UBE2O: variants seen among roughly 807,000 people sequenced by gnomAD.
UBE2O encodes ubiquitin conjugating enzyme E2 O.
Under a neutral mutation model 125.8 loss-of-function variants are expected in UBE2O, and 15 were observed. That is an observed-to-expected ratio of 0.12 (90% CI 0.08 to 0.18). The LOEUF (loss-of-function observed/expected upper bound fraction) is 0.18. Ranked by LOEUF, UBE2O falls within the 10% of genes least tolerant of loss-of-function variation. The pLI is 1.00. For synonymous variants in UBE2O, 708 were observed against 703.2 expected, an observed-to-expected ratio of 1.01 and a Z score of -0.11; for missense variants, 1,280 against 1,723.6, an observed-to-expected ratio of 0.74 and a Z score of 4.56.
At chr17:76,424,595 C>T (rs569222883) in intron 1 of UBE2O, among the ~76,000 whole-genome samples, 1 of 152,198 alleles carries the variant, frequency 6.6e-6, no homozygotes, top group African/African-American at 2.4e-5. Flanking sequence ...TAATTTCTGG[C>T]TGAGTGAGGT....
chr17:76,451,470 G>A (rs1025460662), intron 1 of UBE2O, among the ~76,000 whole-genome samples: 1 of 152,160 alleles, frequency 6.6e-6, no homozygotes, highest in African/African-American at 2.4e-5. Context: ...AAAAGACCCC[G>A]CTGGTATCAG....
In UBE2O at chr17:76,416,187, T is replaced by C. The variant is rs138251834; in HGVS notation, c.418-10615A>G. Reference sequence around the variant, plus strand: ...ATACACATACGTGTGTGTGTGTATATGTATATGTGTATATGTGTGTGTATA... The same window carrying C: ...ATACACATACGTGTGTGTGTGTATACGTATATGTGTATATGTGTGTGTATA... On this transcript the variant is annotated intron_variant, in intron 1 of 17. Transcript: ENST00000319380. 3.3e-3 allele frequency among the ~76,000 whole-genome samples: 502 copies of C among 151,978 alleles called. 4 individuals carry two copies. The highest frequency in any genetic ancestry group is 0.011 in the African/African-American group (463 of 41,436).
chr17:76,430,520 G>T, intron 1 of UBE2O: 1 of 250,888 alleles, frequency 4.0e-6, no homozygotes, highest in Non-Finnish European at 7.9e-6. Context: ...ACTTTGTGGA[G>T]AGGATAACTT....
rs2143943449 is a variant in UBE2O, at chr17:76,452,249, T to C, written c.417+476A>G. ...CCTGTAAGCTAGTGAACTTCTTGGG[T>C]TCGGCTGGGATTTTCACCTCTATCT... On this transcript the variant is annotated intron_variant, in intron 1 of 17. Transcript: ENST00000319380. The surrounding 1 kb of genome is among the most constrained non-coding windows in gnomAD (Gnocchi z 4.4). Among the ~76,000 whole-genome samples, 1 of 152,264 alleles carries C rather than the reference T, an allele frequency of 6.6e-6. No homozygotes were observed. Among genetic ancestry groups the C allele is most frequent in the African/African-American group, 2.4e-5 (1 of 41,544 alleles).
chr17:76,448,546 G>A (rs934754031), intron 1 of UBE2O, among the ~76,000 whole-genome samples: 2 of 152,190 alleles, frequency 1.3e-5, no homozygotes, highest in Non-Finnish European at 2.9e-5. Context: ...GGTGATCACA[G>A]ACAGCCCTAA....
At chr17:76,431,492 G>C (rs1278553742) in intron 1 of UBE2O, among the ~76,000 whole-genome samples, 1 of 152,154 alleles carries the variant, frequency 6.6e-6, no homozygotes, top group African/African-American at 2.4e-5. Flanking sequence ...TGGGCGACAG[G>C]GTGCTCTGTC....
intron 1 of UBE2O, among the ~76,000 whole-genome samples, chr17:76,424,633 G>A (rs1168902687): frequency 6.6e-6 from 1 of 152,136 alleles, no homozygotes; most frequent in South Asian, 2.1e-4. Flanking sequence ...CCAGCACTTT[G>A]GGAAGCCAAG....
rs187148655 is a variant in UBE2O at position 76,406,360 on chromosome 17, A to G, written c.418-788T>C. Among the ~76,000 whole-genome samples the G allele has an allele frequency of 1.7e-3, 263 of 152,278 alleles. 1 individual carries two copies. Among genetic ancestry groups the G allele is most frequent in the Admixed American group, 3.9e-3 (59 of 15,298 alleles). On this transcript the variant is annotated intron_variant, in intron 1 of 17. Transcript: ENST00000319380. ...CTCCTCTATGGTTCTTCACTGGGTC[A>G]TAATCATGGATGGGTCTCTGTGTGT...
At chr17:76,415,883 A>G (rs954908498) in intron 1 of UBE2O, among the ~76,000 whole-genome samples, 7 of 151,914 alleles carry the variant, frequency 4.6e-5, no homozygotes, top group African/African-American at 1.5e-4. Flanking sequence ...ATACAAATAT[A>G]TGTACATACA....
chr17:76,449,201 T>C (rs755212514), intron 1 of UBE2O, among the ~76,000 whole-genome samples: 4 of 152,256 alleles, frequency 2.6e-5, no homozygotes, highest in Admixed American at 2.0e-4. Context: ...CCTTTACTCA[T>C]TGCCCTCCAA....
chr17:76,427,651 G>C (rs1394252054), intron 1 of UBE2O, among the ~76,000 whole-genome samples: 2 of 152,206 alleles, frequency 1.3e-5, no homozygotes, highest in Admixed American at 1.3e-4. Context: ...CAGGGGTATC[G>C]CCAGTCTGCT....
intron 1 of UBE2O, among the ~76,000 whole-genome samples, chr17:76,425,162 C>T (rs2072786711): frequency 6.7e-6 from 1 of 149,280 alleles, no homozygotes. Context: ...TGAGCCACCG[C>T]ACCCGGTTCA....
At chr17:76,424,777 C>A (rs1017656648) in intron 1 of UBE2O, among the ~76,000 whole-genome samples, 8 of 151,592 alleles carry the variant, frequency 5.3e-5, no homozygotes, top group African/African-American at 1.9e-4. Flanking sequence ...ATGATCGAGC[C>A]ACTGCACTCC....
intron 1 of UBE2O, among the ~76,000 whole-genome samples, chr17:76,418,574 T>G (rs454879): frequency 0.51 from 75,297 of 146,382 alleles, 20,743 homozygotes; most frequent in South Asian, 0.65. Context: ...AACAGGTTTT[T>G]TTTTTTTTTT....
At chr17:76,431,769 T>C (rs1418667521) in intron 1 of UBE2O, among the ~76,000 whole-genome samples, 1 of 152,116 alleles carries the variant, frequency 6.6e-6, no homozygotes, top group African/African-American at 2.4e-5. Context: ...ACTCCATCTC[T>C]ATGAAAAAGT....
At chr17:76,446,672 C>T (rs1249556346) in intron 1 of UBE2O, among the ~76,000 whole-genome samples, 1 of 152,178 alleles carries the variant, frequency 6.6e-6, no homozygotes, top group African/African-American at 2.4e-5. Context: ...CGAAGGATGA[C>T]AGCAGCAGAG....
intron 1 of UBE2O, among the ~76,000 whole-genome samples, chr17:76,417,431 T>C (rs1263256147): frequency 3.9e-5 from 6 of 152,242 alleles, no homozygotes; most frequent in Admixed American, 3.9e-4. Context: ...AGGATTTAAA[T>C]GTATTATTAC....
intron 15 of UBE2O, among the ~76,000 whole-genome samples, chr17:76,394,345 C>A (rs2072166883): frequency 6.6e-6 from 1 of 152,200 alleles, no homozygotes; most frequent in South Asian, 2.1e-4. Flanking sequence ...AGGTGGCAGG[C>A]AAACGGGCTT....
Position 76,399,312 on chromosome 17 carries a change from T to G in UBE2O, c.1628+137A>C. 1 of 922,534 alleles carries G rather than the reference T, an allele frequency of 1.1e-6. No homozygotes were observed. The highest frequency in any genetic ancestry group is 1.6e-6 in the Non-Finnish European group (1 of 607,514). The allele number at this position is 922,534 out of a possible 1,614,324, so 57.1% of individuals were successfully genotyped here. On this transcript the variant is annotated intron_variant, in intron 9 of 17. Transcript: ENST00000319380. This position sits in a 1 kb window ranked among gnomAD's most constrained non-coding sequence, Gnocchi z 6.9. ...GGGCCTACCCCAGGCACCTACGTTG[T>G]CTCGGGTGGGAGCCCCGGAGCCACT...
Sources: allele counts gnomAD v4.1 joint callset (sites outside exome capture counted in the v4.1 genomes callset), GRCh38; gene constraint gnomAD v4.1.1; non-coding constraint Gnocchi (gnomAD v3.1); transcripts MANE v1.5; gene names NCBI Gene and HGNC (gene_info 2026-07-23, HGNC 2026-07-21).